The following ST6GAL1 variants were observed in gnomAD, a reference collection of about 807,000 sequenced individuals.
ST6GAL1 encodes beta-galactoside alpha-2,6-sialyltransferase 1.
In ST6GAL1, 20 loss-of-function variants were observed where a neutral mutation model predicts 38.0. The observed-to-expected ratio is 0.53, with a 90% CI of 0.37 to 0.77. ST6GAL1 has a LOEUF of 0.77. ST6GAL1 is among the 30% of genes least tolerant of loss of function. The probability of loss-of-function intolerance (pLI) is 0.00; values close to 1 mark genes in which losing one functional copy is unlikely to be tolerated. For missense variants in ST6GAL1, 432 were observed against 496.4 expected, an observed-to-expected ratio of 0.87 and a Z score of 1.23; for synonymous variants, 196 against 188.2, an observed-to-expected ratio of 1.04 and a Z score of -0.34.
At chr3:187,065,458 C>T (rs1225829340) in intron 5 of ST6GAL1, among the ~76,000 whole-genome samples, 1 of 152,178 alleles carries the variant, frequency 6.6e-6, no homozygotes, top group African/African-American at 2.4e-5. Context: ...GGCCAGCAGA[C>T]CTAGTCAGGC....
intron 2 of ST6GAL1, among the ~76,000 whole-genome samples, chr3:187,031,421 A>T (rs532574687): frequency 3.4e-4 from 52 of 151,934 alleles, no homozygotes; most frequent in African/African-American, 1.0e-3. Flanking sequence ...GACTGTTGTA[A>T]TCCCTTTGAG....
intron 2 of ST6GAL1, among the ~76,000 whole-genome samples, chr3:186,985,558 G>A (rs1216236070): frequency 1.3e-5 from 2 of 150,472 alleles, no homozygotes; most frequent in African/African-American, 4.9e-5. Flanking sequence ...GAGCTCAGAA[G>A]TTCGAGATTA....
intron 5 of ST6GAL1, among the ~76,000 whole-genome samples, chr3:187,058,143 A>T (rs542015704): frequency 6.6e-6 from 1 of 152,174 alleles, no homozygotes; most frequent in Non-Finnish European, 1.5e-5. Context: ...TTTTTAAGAC[A>T]GTTGGAAAAG....
intron 2 of ST6GAL1, among the ~76,000 whole-genome samples, chr3:187,032,039 T>C (rs1217281391): frequency 6.6e-6 from 1 of 152,198 alleles, no homozygotes; most frequent in Non-Finnish European, 1.5e-5. Flanking sequence ...GAGGGTTCTG[T>C]TATCACTTCT....
At chr3:187,066,000 T>A (rs1579378210) in intron 5 of ST6GAL1, among the ~76,000 whole-genome samples, 1 of 151,848 alleles carries the variant, frequency 6.6e-6, no homozygotes, top group African/African-American at 2.4e-5. Context: ...ACCAGCACTT[T>A]AAATCACCAA....
At chr3:187,067,624 C>G (rs1214556881) in intron 5 of ST6GAL1, among the ~76,000 whole-genome samples, 9 of 152,096 alleles carry the variant, frequency 5.9e-5, no homozygotes, top group African/African-American at 1.7e-4. Flanking sequence ...TCTCATTCAT[C>G]TCAAGTAGCT....
intron 2 of ST6GAL1, among the ~76,000 whole-genome samples, chr3:186,997,980 C>G (rs1236424180): frequency 6.6e-6 from 1 of 152,008 alleles, no homozygotes; most frequent in African/African-American, 2.4e-5. Context: ...GGCATGGTGG[C>G]TCGTGCCTAT....
At chr3:187,004,519 A>G (rs1379647721) in intron 2 of ST6GAL1, among the ~76,000 whole-genome samples, 1 of 152,222 alleles carries the variant, frequency 6.6e-6, no homozygotes, top group African/African-American at 2.4e-5. Context: ...TAGCCTCCAT[A>G]GGCAGTGTAG....
intron 5 of ST6GAL1, among the ~76,000 whole-genome samples, chr3:187,070,580 A>T (rs1031186659): frequency 3.3e-5 from 5 of 151,534 alleles, no homozygotes; most frequent in Admixed American, 3.3e-4. Flanking sequence ...ACCCGCCACC[A>T]TGCCCGGCTA....
In ST6GAL1 at chr3:187,072,952, G is replaced by T. The variant is rs779635139; in HGVS notation, c.804+5G>T. 1.9e-6 allele frequency: 3 copies of T among 1,603,502 alleles called. No homozygotes were observed. The highest frequency in any genetic ancestry group is 2.6e-6 in the Non-Finnish European group (3 of 1,170,442). On this transcript the variant is annotated splice_donor_5th_base_variant and intron_variant, in intron 6 of 7. Coordinates refer to ENST00000169298, the MANE Select transcript of ST6GAL1 (RefSeq NM_173216.2). ...TACCACTCAGATATCCCAAAGGTAA[G>T]TGGGTGTCCGTGGGAAATAGGGGTT...
chr3:187,042,561 A>C, intron 3 of ST6GAL1, 93 bp from the exon 4 acceptor site: 1 of 1,235,560 alleles, frequency 8.1e-7, no homozygotes, highest in Non-Finnish European at 1.1e-6. Context: ...AAGTCACCTC[A>C]TTTCAAATCT....
At chr3:187,037,535 A>G (rs59688792) in intron 2 of ST6GAL1, among the ~76,000 whole-genome samples, 2 of 152,090 alleles carry the variant, frequency 1.3e-5, no homozygotes, top group East Asian at 1.9e-4. Context: ...CCTACATCGC[A>G]TCAAAAGAAG....
intron 5 of ST6GAL1, among the ~76,000 whole-genome samples, chr3:187,054,167 T>C (rs1718609729): frequency 1.3e-5 from 2 of 152,248 alleles, no homozygotes; most frequent in Non-Finnish European, 2.9e-5. Flanking sequence ...GAGACTTTGC[T>C]GAAGTTGCTT....
intron 2 of ST6GAL1, among the ~76,000 whole-genome samples, chr3:187,009,609 G>A (rs1716892268): frequency 6.6e-6 from 1 of 152,188 alleles, no homozygotes; most frequent in African/African-American, 2.4e-5. Flanking sequence ...TCCAGCCTGG[G>A]TGACAGAGTG....
intron 1 of ST6GAL1, among the ~76,000 whole-genome samples, chr3:186,960,757 G>C: frequency 6.6e-6 from 1 of 151,138 alleles, no homozygotes; most frequent in East Asian, 1.9e-4. Flanking sequence ...GTTTCGTTTT[G>C]TTTTCTGTTT....
rs979479074 is a variant in ST6GAL1, at chr3:186,930,749, C to G, written c.-410C>G. The G allele has an allele frequency of 6.6e-6, 1 of 152,366 alleles. No homozygotes were observed. Among genetic ancestry groups the G allele is most frequent in the Admixed American group, 6.5e-5 (1 of 15,294 alleles). The allele number at this position is 152,366 out of a possible 1,614,324, so 9.4% of individuals were successfully genotyped here. On this transcript the variant is annotated 5_prime_UTR_variant, in exon 1 of 8. Transcript: ENST00000169298. ...ACTGCCCGGCGTTAACAAAGGGAGC[C>G]GATACCGACCGGCGTGGGCGCGGAG...
intron 2 of ST6GAL1, among the ~76,000 whole-genome samples, chr3:186,978,796 T>C (rs1715598941): frequency 6.6e-6 from 1 of 152,118 alleles, no homozygotes; most frequent in South Asian, 2.1e-4. Flanking sequence ...TTCTCATCAC[T>C]GCAGCCCTTA....
At chr3:186,986,350 G>A (rs912654043) in intron 2 of ST6GAL1, 1 of 152,152 alleles carries the variant, frequency 6.6e-6, no homozygotes, top group African/African-American at 2.4e-5. Flanking sequence ...CTGGCACATA[G>A]TGTTGAATAT....
intron 2 of ST6GAL1, among the ~76,000 whole-genome samples, chr3:187,035,277 T>C (rs1435699407): frequency 6.6e-6 from 1 of 152,156 alleles, no homozygotes; most frequent in Non-Finnish European, 1.5e-5. Flanking sequence ...GGAAAAACAT[T>C]TCGTGTTCAT....
Sources: gnomAD v4.1 joint callset for allele counts (sites outside exome capture counted in the v4.1 genomes callset) on GRCh38, gnomAD v4.1.1 for gene constraint, MANE v1.5 for transcripts, NCBI Gene and HGNC (gene_info 2026-07-23, HGNC 2026-07-21) for gene names.